The following PAK5 variants were observed in gnomAD, a reference collection of about 807,000 sequenced individuals.
PAK5 encodes serine/threonine-protein kinase PAK 5.
PAK5 carries 16 observed loss-of-function variants against 65.9 expected under a neutral mutation model. That is an observed-to-expected ratio of 0.24 (90% CI 0.16 to 0.37). The LOEUF (loss-of-function observed/expected upper bound fraction) is 0.37. Ranked by LOEUF, PAK5 falls within the 10% of genes least tolerant of loss-of-function variation. The pLI, the probability that PAK5 is intolerant of heterozygous loss-of-function variation, is 1.00. For synonymous variants in PAK5, 371 were observed against 354.9 expected, an observed-to-expected ratio of 1.05 and a Z score of -0.51; for missense variants, 785 against 903.9, an observed-to-expected ratio of 0.87 and a Z score of 1.69.
At chr20:9,542,182 A>C (rs1265150153) in intron 9 of PAK5, among the ~76,000 whole-genome samples, 1 of 152,178 alleles carries the variant, frequency 6.6e-6, no homozygotes, top group Non-Finnish European at 1.5e-5. Context: ...ATGGTTTACT[A>C]TCTGTTTCCC....
At chr20:9,679,390 G>A (rs1381734888) in intron 2 of PAK5, among the ~76,000 whole-genome samples, 1 of 152,134 alleles carries the variant, frequency 6.6e-6, no homozygotes, top group African/African-American at 2.4e-5. Context: ...CATTGTTCAA[G>A]GGTCCACTGT....
At chr20:9,662,739 T>A (rs984784738) in intron 2 of PAK5, among the ~76,000 whole-genome samples, 4 of 152,146 alleles carry the variant, frequency 2.6e-5, no homozygotes, top group Admixed American at 2.0e-4. Context: ...GGGGTCTAGT[T>A]GTTATAACAA....
chr20:9,781,310 T>G (rs2123698398), intron 1 of PAK5, among the ~76,000 whole-genome samples: 1 of 152,200 alleles, frequency 6.6e-6, no homozygotes, highest in Non-Finnish European at 1.5e-5. Flanking sequence ...AATGGAGAAA[T>G]TTTAGGAAAG....
At chr20:9,790,307 T>C (rs890887689) in intron 1 of PAK5, among the ~76,000 whole-genome samples, 5 of 152,012 alleles carry the variant, frequency 3.3e-5, no homozygotes, top group Admixed American at 2.0e-4. Context: ...ATCAGATTTG[T>C]TTGCTTGTCA....
chr20:9,754,570 T>A (rs555639786), intron 1 of PAK5, among the ~76,000 whole-genome samples: 2 of 152,118 alleles, frequency 1.3e-5, no homozygotes, highest in Non-Finnish European at 2.9e-5. Flanking sequence ...CTAGGAGCAA[T>A]TGGGGAGGTT....
intron 3 of PAK5, among the ~76,000 whole-genome samples, chr20:9,618,169 C>A (rs1250581121): frequency 4.6e-5 from 7 of 151,954 alleles, no homozygotes; most frequent in African/African-American, 1.7e-4. Flanking sequence ...CAGCGCTGGG[C>A]GACACTATCA....
chr20:9,702,830 C>T (rs770675905), intron 2 of PAK5, among the ~76,000 whole-genome samples: 2 of 152,144 alleles, frequency 1.3e-5, no homozygotes, highest in African/African-American at 2.4e-5. Flanking sequence ...CTAAGCACTG[C>T]TACTTAGCCT....
intron 2 of PAK5, among the ~76,000 whole-genome samples, chr20:9,674,180 A>G (rs1197861000): frequency 6.6e-6 from 1 of 152,146 alleles, no homozygotes; most frequent in East Asian, 1.9e-4. Flanking sequence ...AGGGAGTAAG[A>G]CTGAGTTTCC....
chr20:9,699,100 A>G (rs980966117), intron 2 of PAK5, among the ~76,000 whole-genome samples: 3 of 152,168 alleles, frequency 2.0e-5, no homozygotes, highest in Non-Finnish European at 4.4e-5. Context: ...CCTCCTCTGC[A>G]TCCCCTGTAC....
At chr20:9,544,097 G>GA (rs2045307561) in intron 8 of PAK5, among the ~76,000 whole-genome samples, 1 of 152,158 alleles carries the variant, frequency 6.6e-6, no homozygotes, top group Non-Finnish European at 1.5e-5. Flanking sequence ...GCTACTGAGA[G>GA]TGGGATCAGA....
chr20:9,565,968 T>A lies in PAK5; in HGVS notation c.1407A>T (p.Lys469Asn). 1 of 1,613,000 alleles carries A rather than the reference T, an allele frequency of 6.2e-7. No individual in the cohort carries two copies. Among genetic ancestry groups the A allele is most frequent in the Non-Finnish European group, 8.5e-7 (1 of 1,179,618 alleles). The stretch of plus-strand genomic sequence containing the variant: ...TCACTGCAACTTGTTTCCCTGTGTG[T>A]TTCTCGGTGGCGATGCATACGATGC... ...STGIVCIATE[K>N]HTGKQVAVKK... is the part of the protein sequence containing the mutation. The change falls in exon 5 of 10, where the codon AAA becomes AAT. Residue 469 changes from lysine (K) to asparagine (N), a missense_variant. Around this residue, in one of 4 missense-constraint regions of PAK5, gnomAD observed 182 missense variants for 273.0 expected, o/e 0.67. Transcript: ENST00000353224.
chr20:9,637,729 A>G (rs566932306), intron 3 of PAK5, among the ~76,000 whole-genome samples: 27 of 152,350 alleles, frequency 1.8e-4, no homozygotes, highest in Middle Eastern at 3.4e-3. Flanking sequence ...ATACATTATG[A>G]CATCATTTCA....
At chr20:9,676,815 T>C (rs1209737976) in intron 2 of PAK5, among the ~76,000 whole-genome samples, 1 of 152,204 alleles carries the variant, frequency 6.6e-6, no homozygotes, top group Non-Finnish European at 1.5e-5. Context: ...TAATCCACTC[T>C]CAATTGTGTT....
intron 1 of PAK5, among the ~76,000 whole-genome samples, chr20:9,816,169 A>G (rs1047777028): frequency 1.3e-5 from 2 of 152,148 alleles, no homozygotes; most frequent in African/African-American, 4.8e-5. Context: ...GTCCTCTGAA[A>G]TATGTGATTA....
intron 1 of PAK5, among the ~76,000 whole-genome samples, chr20:9,782,449 C>T (rs564325649): frequency 7.9e-5 from 12 of 152,264 alleles, no homozygotes; most frequent in East Asian, 1.9e-4. Flanking sequence ...TATCTTACTA[C>T]GACATGCTAT....
At chr20:9,633,622 A>T (rs2046949749) in intron 3 of PAK5, among the ~76,000 whole-genome samples, 1 of 152,220 alleles carries the variant, frequency 6.6e-6, no homozygotes, top group Non-Finnish European at 1.5e-5. Flanking sequence ...ACTAGAGATT[A>T]CTACAGATTT....
chr20:9,642,315 CTGT>C (rs1244373729), intron 3 of PAK5, among the ~76,000 whole-genome samples: 2 of 152,234 alleles, frequency 1.3e-5, no homozygotes, highest in Non-Finnish European at 2.9e-5. Context: ...TCTCCAGCAC[CTGT>C]TGTTTCCTGA....
chr20:9,724,127 C>T (rs541290016), intron 1 of PAK5, among the ~76,000 whole-genome samples: 4 of 152,224 alleles, frequency 2.6e-5, no homozygotes, highest in South Asian at 2.1e-4. Flanking sequence ...ACCACAAAAT[C>T]GAGGTTATTT....
intron 1 of PAK5, among the ~76,000 whole-genome samples, chr20:9,825,133 A>G (rs530091636): frequency 6.6e-6 from 1 of 152,348 alleles, no homozygotes; most frequent in South Asian, 2.1e-4. Context: ...TGATACTCAC[A>G]GTCATTGCAC....
Sources: gnomAD v4.1 joint callset for allele counts (sites outside exome capture counted in the v4.1 genomes callset) on GRCh38, gnomAD v4.1.1 for gene constraint, gnomAD v4.1.1 regional missense constraint, MANE v1.5 for transcripts, NCBI Gene and HGNC (gene_info 2026-07-23, HGNC 2026-07-21) for gene names.